WASF3: variants seen among roughly 807,000 people sequenced by gnomAD.
WASF3 encodes WASP family member 3, also known as actin-binding protein WASF3.
WASF3 carries 11 observed loss-of-function variants against 46.6 expected under a neutral mutation model. The observed-to-expected ratio is 0.24, with a 90% CI of 0.15 to 0.39. The LOEUF (loss-of-function observed/expected upper bound fraction) is 0.39. Among genes scored for constraint, WASF3 ranks in the 10% least tolerant of loss-of-function variants. The probability of loss-of-function intolerance (pLI) is 1.00; values close to 1 mark genes in which losing one functional copy is unlikely to be tolerated. For synonymous variants in WASF3, 242 were observed against 259.7 expected, an observed-to-expected ratio of 0.93 and a Z score of 0.65; for missense variants, 576 against 669.8, an observed-to-expected ratio of 0.86 and a Z score of 1.55.
At chr13:26,588,850 C>T (rs572788476) in intron 1 of WASF3, among the ~76,000 whole-genome samples, 41 of 152,190 alleles carry the variant, frequency 2.7e-4, no homozygotes, top group Middle Eastern at 3.4e-3. Flanking sequence ...CAGGCTGGAG[C>T]GCAGTGGCAT....
At chr13:26,556,246 G>T (rs1879095386), upstream of WASF3, among the ~76,000 whole-genome samples, 1 of 152,168 alleles carries the variant, frequency 6.6e-6, no homozygotes, top group South Asian at 2.1e-4. Context: ...AAGCAGCCAG[G>T]GAAATATGAT....
intron 4 of WASF3, among the ~76,000 whole-genome samples, chr13:26,665,429 C>T (rs1882742079): frequency 6.6e-6 from 1 of 152,160 alleles, no homozygotes; most frequent in South Asian, 2.1e-4. Context: ...TGAATACAGT[C>T]AGTATTAGAA....
At chr13:26,676,473 A>G (rs1004104487) in intron 6 of WASF3, 76 bp from the exon 7 acceptor site, 24 of 1,519,136 alleles carry the variant, frequency 1.6e-5, no homozygotes, top group Admixed American at 1.9e-5. Flanking sequence ...GGCCTTGTGC[A>G]TTATAACTGC....
At chr13:26,601,227 A>G (rs1164078040) in intron 1 of WASF3, among the ~76,000 whole-genome samples, 1 of 152,188 alleles carries the variant, frequency 6.6e-6, no homozygotes, top group Non-Finnish European at 1.5e-5. Flanking sequence ...TTTCCATGGA[A>G]TTCCATTTAT....
chr13:26,667,481 C>T (rs761389915), intron 4 of WASF3, 36 bp from the exon 5 acceptor site: 1 of 1,577,272 alleles, frequency 6.3e-7, no homozygotes, highest in Non-Finnish European at 8.6e-7. Context: ...AAAAATATTT[C>T]TATATAACTC....
intron 2 of WASF3, among the ~76,000 whole-genome samples, chr13:26,631,618 T>C (rs867212522): frequency 2.0e-5 from 3 of 152,342 alleles, no homozygotes; most frequent in African/African-American, 7.2e-5. Flanking sequence ...TGCCTCCAGC[T>C]TTGTTCTTTT....
At chr13:26,585,304 A>T (rs1375856421) in intron 1 of WASF3, among the ~76,000 whole-genome samples, 2 of 152,170 alleles carry the variant, frequency 1.3e-5, no homozygotes, top group Non-Finnish European at 2.9e-5. Flanking sequence ...TATCTTGTGG[A>T]TGGAGTCCCT....
intron 2 of WASF3, among the ~76,000 whole-genome samples, chr13:26,627,919 A>T (rs530631227): frequency 3.7e-4 from 56 of 151,818 alleles, no homozygotes; most frequent in East Asian, 9.6e-4. Flanking sequence ...AAATAAAATA[A>T]AATAAAATAT....
chr13:26,653,421 ATT>A (rs1261593335), intron 3 of WASF3, among the ~76,000 whole-genome samples: 4 of 152,008 alleles, frequency 2.6e-5, no homozygotes, highest in Non-Finnish European at 4.4e-5. Context: ...TATTTCCCAC[ATT>A]GTTTGTTGTC....
chr13:26,552,170 T>C, the WASF3 span, among the ~76,000 whole-genome samples: 1 of 152,236 alleles, frequency 6.6e-6, no homozygotes, highest in Non-Finnish European at 1.5e-5. Context: ...CAGTGAGTCT[T>C]GGCTGGGTTA....
chr13:26,568,329 A>G (rs532542979), intron 1 of WASF3, among the ~76,000 whole-genome samples: 1 of 152,244 alleles, frequency 6.6e-6, no homozygotes, highest in African/African-American at 2.4e-5. Context: ...CTGTTGGATG[A>G]ATCAGTGGTT....
At chr13:26,627,916 AT>A (rs201403048) in intron 2 of WASF3, among the ~76,000 whole-genome samples, 24 of 151,508 alleles carry the variant, frequency 1.6e-4, no homozygotes, top group Non-Finnish European at 1.0e-4. Flanking sequence ...TAAAAATAAA[AT>A]AAAATAAAAT....
chr13:26,605,676 T>C (rs1036294972), intron 1 of WASF3, among the ~76,000 whole-genome samples: 4 of 152,204 alleles, frequency 2.6e-5, no homozygotes, highest in African/African-American at 9.7e-5. Context: ...GGGCCAGACC[T>C]GTCTACTGTG....
chr13:26,551,846 G>A, the WASF3 span, among the ~76,000 whole-genome samples: 5 of 152,260 alleles, frequency 3.3e-5, no homozygotes, highest in Non-Finnish European at 5.9e-5. Flanking sequence ...AGACTCTGAC[G>A]GTTTTTGAGC....
rs146980104 is a variant in WASF3, at chr13:26,577,376, C to T, written c.-109+19557C>T. 1.1e-3 allele frequency: 845 copies of T among 769,302 alleles called. 6 individuals are homozygous for T. The highest frequency in any genetic ancestry group is 0.011 in the African/African-American group (621 of 59,136). The allele number at this position is 769,302 out of a possible 1,614,324, so 47.7% of individuals were successfully genotyped here. On this transcript the variant is annotated intron_variant, in intron 1 of 9. Coordinates refer to ENST00000335327, the MANE Select transcript of WASF3 (RefSeq NM_006646.6). ...TCAGCACCAACAGGTCCGCCAAATC[C>T]GGAAGAATATGATGGAAATCAAGAC...
intron 3 of WASF3, among the ~76,000 whole-genome samples, chr13:26,652,366 C>T (rs193005388): frequency 4.6e-5 from 7 of 152,210 alleles, no homozygotes; most frequent in Admixed American, 3.9e-4. Context: ...CTGCAAACTA[C>T]ATGGAATAAA....
chr13:26,673,580 G>A (rs2137487374), intron 6 of WASF3, among the ~76,000 whole-genome samples: 1 of 152,166 alleles, frequency 6.6e-6, no homozygotes, highest in Non-Finnish European at 1.5e-5. Flanking sequence ...TAGAAAATGA[G>A]GCAAGATATT....
chr13:26,678,571 G>C (rs551482282), intron 7 of WASF3, among the ~76,000 whole-genome samples: 1 of 152,052 alleles, frequency 6.6e-6, no homozygotes, highest in Non-Finnish European at 1.5e-5. Context: ...GTGCATCCAA[G>C]ATACTGAGGG....
At chr13:26,554,033 C>CTCTT (rs1196121879), upstream of WASF3, among the ~76,000 whole-genome samples, 1,097 of 80,230 alleles carry the variant, frequency 0.014, 113 homozygotes, top group African/African-American at 0.038. Context: ...TTCCTTCTTT[C>CTCTT]TCTTTCTTTC....
Sources: gnomAD v4.1 joint callset for allele counts (sites outside exome capture counted in the v4.1 genomes callset) on GRCh38, gnomAD v4.1.1 for gene constraint, MANE v1.5 for transcripts, NCBI Gene and HGNC (gene_info 2026-07-23, HGNC 2026-07-21) for gene names.